Variants in DOP1B observed in about 807,000 individuals in gnomAD.
The protein encoded by DOP1B is protein DOP1B.
DOP1B carries 174 observed loss-of-function variants against 233.5 expected under a neutral mutation model. That is an observed-to-expected ratio of 0.75 (90% CI 0.66 to 0.85). The LOEUF is 0.85. Ranked by LOEUF, DOP1B falls within the 40% of genes least tolerant of loss-of-function variation. The pLI, the probability that DOP1B is intolerant of heterozygous loss-of-function variation, is 0.00. For missense variants in DOP1B, 2,652 were observed against 2,846.6 expected (o/e 0.93, Z 1.56); for synonymous variants, 1,190 against 1,185.6 (o/e 1.00, Z -0.08).
At chr21:36,227,241 T>A (rs193162085) in intron 12 of DOP1B, among the ~76,000 whole-genome samples, 1 of 147,814 alleles carries the variant, frequency 6.8e-6, no homozygotes, top group Non-Finnish European at 1.5e-5. Flanking sequence ...TAAAATAAAA[T>A]AAAATAAAAA....
chr21:36,223,867 C>T (rs747953670), intron 11 of DOP1B, among the ~76,000 whole-genome samples: 7 of 152,134 alleles, frequency 4.6e-5, no homozygotes, highest in Non-Finnish European at 1.0e-4. Flanking sequence ...ACCGAGCTTT[C>T]CTGGAGAGCC....
At chr21:36,273,539 G>A (rs2067315013) in intron 27 of DOP1B, among the ~76,000 whole-genome samples, 1 of 152,188 alleles carries the variant, frequency 6.6e-6, no homozygotes, top group African/African-American at 2.4e-5. Context: ...CAGGGCCACT[G>A]TGAGTGTTAC....
At chr21:36,200,956 G>C (rs1033676120) in intron 4 of DOP1B, among the ~76,000 whole-genome samples, 2 of 152,082 alleles carry the variant, frequency 1.3e-5, no homozygotes, top group African/African-American at 2.4e-5. Flanking sequence ...AATTCCTCCC[G>C]GGAATCTCTC....
At chr21:36,259,052 A>G (rs1334248984) in intron 23 of DOP1B, among the ~76,000 whole-genome samples, 4 of 129,732 alleles carry the variant, frequency 3.1e-5, no homozygotes, top group Non-Finnish European at 6.2e-5. Flanking sequence ...TGCAAGCTCC[A>G]CCTCCCAGGT....
chr21:36,193,599 A>G (rs1455906576), intron 2 of DOP1B, among the ~76,000 whole-genome samples: 10 of 152,112 alleles, frequency 6.6e-5, no homozygotes, highest in African/African-American at 1.7e-4. Context: ...CCCAGGTACC[A>G]TATTTTGGGG....
chr21:36,203,132 T>A (rs1184681828), intron 4 of DOP1B, among the ~76,000 whole-genome samples: 1 of 152,240 alleles, frequency 6.6e-6, no homozygotes, highest in African/African-American at 2.4e-5. Flanking sequence ...TTGCTTAACA[T>A]TGATTTTTTT....
intron 2 of DOP1B, among the ~76,000 whole-genome samples, chr21:36,177,214 C>T (rs1392589333): frequency 1.3e-5 from 2 of 152,162 alleles, no homozygotes; most frequent in African/African-American, 4.8e-5. Flanking sequence ...AGCTTCACCC[C>T]TTACCCCAGG....
At chr21:36,267,709 T>C (rs946640168) in intron 26 of DOP1B, among the ~76,000 whole-genome samples, 6 of 151,510 alleles carry the variant, frequency 4.0e-5, no homozygotes, top group African/African-American at 1.2e-4. Flanking sequence ...GTTCTTTCTA[T>C]TTTCCGTAAG....
intron 4 of DOP1B, among the ~76,000 whole-genome samples, chr21:36,205,164 CA>C (rs2066413513): frequency 6.6e-6 from 1 of 152,204 alleles, no homozygotes; most frequent in African/African-American, 2.4e-5. Context: ...GTCCTTTTGG[CA>C]AGCAGCTGCA....
chr21:36,238,989 G>T (rs555864522), intron 17 of DOP1B, among the ~76,000 whole-genome samples: 1 of 152,156 alleles, frequency 6.6e-6, no homozygotes, highest in Admixed American at 6.5e-5. Flanking sequence ...TGTAATCCCA[G>T]CTACTTGGGA....
At chr21:36,254,992 C>G (rs2067076498) in intron 23 of DOP1B, among the ~76,000 whole-genome samples, 1 of 150,964 alleles carries the variant, frequency 6.6e-6, no homozygotes, top group African/African-American at 2.4e-5. Context: ...CTCTGTCACC[C>G]AGGCTGGAGT....
At chr21:36,271,276 A>C (rs1324547592) in intron 27 of DOP1B, among the ~76,000 whole-genome samples, 2 of 150,594 alleles carry the variant, frequency 1.3e-5, no homozygotes, top group Non-Finnish European at 3.0e-5. Flanking sequence ...CCCAGGTTGG[A>C]GTTCACCCAG....
intron 2 of DOP1B, among the ~76,000 whole-genome samples, chr21:36,186,548 T>A (rs1341762452): frequency 6.6e-6 from 1 of 152,184 alleles, no homozygotes; most frequent in African/African-American, 2.4e-5. Context: ...ATACCCTGTA[T>A]GTTTCAGCTC....
intron 28 of DOP1B, among the ~76,000 whole-genome samples, chr21:36,277,418 G>C (rs2067363964): frequency 6.6e-6 from 1 of 151,704 alleles, no homozygotes; most frequent in Admixed American, 6.6e-5. Flanking sequence ...GAGTAGCTGG[G>C]ACTACAGGTG....
chr21:36,227,746 C>A lies in DOP1B; in HGVS notation c.1534C>A (p.Pro512Thr). 10 of 1,611,876 alleles carry A rather than the reference C, an allele frequency of 6.2e-6. No individual in the cohort carries two copies. The highest frequency in any genetic ancestry group is 1.1e-5 in the South Asian group (1 of 90,932). ...TCAGGTGCTCGGCTGCCTGGTGCAG[C>A]CTCTTGCTGAGGACATGGAGGCCTT... ...LPQVLGCLVQ[P>T]LAEDMEALSL... The change falls in exon 13 of 37, where the codon CCT (proline) becomes ACT (threonine). Residue 512 changes from proline (P) to threonine (T), a missense_variant. By Grantham distance (38) the Pro-to-Thr change is conservative. Coordinates refer to ENST00000691173, the MANE Select transcript of DOP1B (RefSeq NM_001320714.2).
In DOP1B at chr21:36,165,544, C is replaced by T. The variant is rs547882539; in HGVS notation, c.138+673C>T. On this transcript the variant is annotated intron_variant, in intron 2 of 36. Coordinates refer to ENST00000691173, the MANE Select transcript of DOP1B (RefSeq NM_001320714.2). ...CCCAGGCCGCTGACCGGTACCAGTCCGTGGCCTATTAGGAACCGGGACGCA... is the reference window on the plus strand; with the variant it reads ...CCCAGGCCGCTGACCGGTACCAGTCTGTGGCCTATTAGGAACCGGGACGCA... 2.0e-4 allele frequency among the ~76,000 whole-genome samples: 30 copies of T among 152,104 alleles called. No individual in the cohort carries two copies. The East Asian group carries it at 2.3e-3, about 12-fold the overall frequency.
At chr21:36,285,964 C>T (rs1359115972) in intron 32 of DOP1B, among the ~76,000 whole-genome samples, 1 of 151,610 alleles carries the variant, frequency 6.6e-6, no homozygotes, top group Non-Finnish European at 1.5e-5. Context: ...GCCGAGATCG[C>T]GCCACTGCAC....
chr21:36,183,756 A>G (rs2066129829), intron 2 of DOP1B, among the ~76,000 whole-genome samples: 1 of 152,154 alleles, frequency 6.6e-6, no homozygotes, highest in African/African-American at 2.4e-5. Flanking sequence ...TGCCCGGGAC[A>G]GAGTTGTATA....
rs562865722 is a variant in DOP1B, at chr21:36,265,716, G to A, written c.5487+1902G>A. ...TGGCATCTGCTTCTTTCTGTCTCAT[G>A]ACACCTGGCCTCCCCGCCACTAATT... is the stretch of plus-strand genomic sequence containing the variant. On this transcript the variant is annotated intron_variant, in intron 26 of 36. Transcript: ENST00000691173. Among the ~76,000 whole-genome samples, 122 of 152,164 alleles carry A rather than the reference G, an allele frequency of 8.0e-4. 5 individuals carry two copies. In the South Asian group the frequency reaches 0.025, roughly 31 times the overall value.
Sources: gnomAD v4.1 joint callset for allele counts (sites outside exome capture counted in the v4.1 genomes callset) on GRCh38, gnomAD v4.1.1 for gene constraint, MANE v1.5 for transcripts, NCBI Gene and HGNC (gene_info 2026-07-23, HGNC 2026-07-21) for gene names.